SLC4A8: variants seen among roughly 807,000 people sequenced by gnomAD.
SLC4A8 encodes the protein solute carrier family 4 member 8, also known as electroneutral sodium bicarbonate exchanger 1.
A neutral mutation model predicts 125.0 loss-of-function variants in SLC4A8; 40 were observed. The ratio of observed to expected loss-of-function variants is 0.32; its 90% CI spans 0.25 to 0.42. The LOEUF (loss-of-function observed/expected upper bound fraction) is 0.42. SLC4A8 is among the 10% of genes least tolerant of loss of function. SLC4A8 has a pLI of 1.00. For missense variants in SLC4A8, 863 were observed against 1,355.1 expected, an observed-to-expected ratio of 0.64 and a Z score of 5.70; for synonymous variants, 456 against 476.0, an observed-to-expected ratio of 0.96 and a Z score of 0.55.
chr12:51,440,825 G>C, intron 2 of SLC4A8, 36 bp downstream of exon 2: 1 of 1,545,012 alleles, frequency 6.5e-7, no homozygotes. Context: ...AGGGAAATTG[G>C]TGAGGGGCAG....
chr12:51,404,278 T>C (rs902477855), intron 1 of SLC4A8, among the ~76,000 whole-genome samples: 1 of 152,178 alleles, frequency 6.6e-6, no homozygotes, highest in African/African-American at 2.4e-5. Flanking sequence ...AGGTTGACTA[T>C]GTACAAGGAG....
Position 51,504,014 on chromosome 12 carries a change from T to A in SLC4A8, c.3082-15T>A, listed in dbSNP as rs1036292158. ...TACTTGGTCCAAGATATAATAATGT[T>A]TCTTTTTCTTCCAGGAGGCTGAGAA... is the stretch of plus-strand genomic sequence containing the variant. On this transcript the variant is annotated splice_polypyrimidine_tract_variant and intron_variant, in intron 22 of 24. Transcript: ENST00000453097. The A allele has an allele frequency of 6.7e-6, 10 of 1,490,782 alleles. No individual in the cohort carries two copies. Among genetic ancestry groups the A allele is most frequent in the South Asian group, 1.2e-5 (1 of 82,950 alleles). The allele number at this position is 1,490,782 out of a possible 1,614,324, so 92.3% of individuals were successfully genotyped here.
At chr12:51,435,930 G>A (rs1035464252) in intron 1 of SLC4A8, among the ~76,000 whole-genome samples, 3 of 152,130 alleles carry the variant, frequency 2.0e-5, no homozygotes, top group African/African-American at 7.2e-5. Context: ...GGTATTTTAA[G>A]AGACTATAAT....
intron 14 of SLC4A8, among the ~76,000 whole-genome samples, chr12:51,472,036 T>A (rs1361500113): frequency 6.6e-6 from 1 of 152,212 alleles, no homozygotes; most frequent in Non-Finnish European, 1.5e-5. Flanking sequence ...TCACACTGTA[T>A]CATAAAGATC....
At position 51,450,709 on chromosome 12, in the gene SLC4A8, A is replaced by G. The variant is rs1949937204; in HGVS notation, c.131-167A>G. ...AAAGGAAGAGACCTTCAACTCCAAAATCTCTATATCTTTACTCCTGGAAGT... is the reference window on the plus strand; with the variant it reads ...AAAGGAAGAGACCTTCAACTCCAAAGTCTCTATATCTTTACTCCTGGAAGT... On this transcript the variant is annotated intron_variant, in intron 2 of 24. Coordinates refer to ENST00000453097, the MANE Select transcript of SLC4A8 (RefSeq NM_001039960.3). 2.2e-5 allele frequency: 15 copies of G among 688,548 alleles called. No homozygotes were observed. The South Asian group carries it at 2.8e-4, about 13-fold the overall frequency. 42.7% of individuals were successfully genotyped at this position (688,548 alleles called of 1,614,324 possible).
At position 51,489,965 on chromosome 12, in the gene SLC4A8, C is replaced by T; in HGVS notation, c.2700+14C>T. On this transcript the variant is annotated intron_variant, in intron 19 of 24. Transcript: ENST00000453097. ...GCTATCTTAAAGGTAATCATCCTTTCAGTCATTCAGCAAATATCAAGGGCC... is the reference window on the plus strand; with the variant it reads ...GCTATCTTAAAGGTAATCATCCTTTTAGTCATTCAGCAAATATCAAGGGCC... 1 of 1,612,100 alleles carries T rather than the reference C, an allele frequency of 6.2e-7. No homozygotes were observed. The highest frequency in any genetic ancestry group is 8.5e-7 in the Non-Finnish European group (1 of 1,178,314).
intron 24 of SLC4A8, among the ~76,000 whole-genome samples, chr12:51,506,800 A>T (rs1248951580): frequency 6.6e-6 from 1 of 152,216 alleles, no homozygotes; most frequent in Non-Finnish European, 1.5e-5. Flanking sequence ...ATCAACCTTA[A>T]TCAGGTTAAT....
At position 51,440,743 on chromosome 12, in the gene SLC4A8, G is replaced by C; in HGVS notation, c.84G>C (p.Gly28=). The change falls in exon 2 of 25, where the codon GGG becomes GGC. Residue 28 remains glycine (G), a synonymous_variant. Coordinates refer to ENST00000453097, the MANE Select transcript of SLC4A8 (RefSeq NM_001039960.3). ...PDEEAVVDQG[G]TSTILNIHYE... ...AAGAAGCTGTGGTGGATCAGGGTGG[G>C]ACCAGTACAATTCTCAACATTCACT... The C allele has an allele frequency of 1.9e-6, 3 of 1,610,890 alleles. No homozygotes were observed. The highest frequency in any genetic ancestry group is 1.7e-6 in the Non-Finnish European group (2 of 1,179,088).
At chr12:51,418,284 C>A (rs572205230) in intron 1 of SLC4A8, among the ~76,000 whole-genome samples, 5 of 152,292 alleles carry the variant, frequency 3.3e-5, no homozygotes, top group Non-Finnish European at 7.4e-5. Context: ...CAGGGAAAAT[C>A]AGATGGCTCC....
chr12:51,459,554 G>A (rs1297789767), intron 7 of SLC4A8, among the ~76,000 whole-genome samples: 1 of 152,038 alleles, frequency 6.6e-6, no homozygotes, highest in Non-Finnish European at 1.5e-5. Flanking sequence ...ACCATAAAAT[G>A]ACATATGAGT....
intron 16 of SLC4A8, among the ~76,000 whole-genome samples, chr12:51,482,974 T>C (rs1015395294): frequency 6.6e-6 from 1 of 152,202 alleles, no homozygotes; most frequent in Non-Finnish European, 1.5e-5. Context: ...TTTGCACTTA[T>C]TTTTCTAGCA....
At chr12:51,461,682 C>T (rs1755899189) in intron 9 of SLC4A8, 1 of 206,842 alleles carries the variant, frequency 4.8e-6, no homozygotes, top group African/African-American at 2.4e-5. Flanking sequence ...TGTATAAGGT[C>T]ATGGGTGTGA....
upstream of SLC4A8, among the ~76,000 whole-genome samples, chr12:51,420,571 T>C (rs1183349994): frequency 6.6e-6 from 1 of 152,228 alleles, no homozygotes; most frequent in Non-Finnish European, 1.5e-5. Flanking sequence ...TTTTGGGCTT[T>C]GTTTACTTAT....
At chr12:51,467,756 A>T (rs1288648277) in intron 11 of SLC4A8, among the ~76,000 whole-genome samples, 1 of 152,142 alleles carries the variant, frequency 6.6e-6, no homozygotes, top group Non-Finnish European at 1.5e-5. Flanking sequence ...ATCTTGTTTC[A>T]TCTATTTCTT....
chr12:51,423,376 G>A (rs1251940203), upstream of SLC4A8, among the ~76,000 whole-genome samples: 1 of 152,140 alleles, frequency 6.6e-6, no homozygotes, highest in Non-Finnish European at 1.5e-5. Flanking sequence ...TTGAAGGATG[G>A]TTAAGATTTT....
chr12:51,455,141 C>T (rs1422006933), intron 5 of SLC4A8, among the ~76,000 whole-genome samples: 2 of 147,212 alleles, frequency 1.4e-5, no homozygotes, highest in Admixed American at 6.8e-5. Context: ...TATAGATTAA[C>T]AGAATCTCAA....
intron 11 of SLC4A8, among the ~76,000 whole-genome samples, chr12:51,467,151 G>T (rs534841847): frequency 6.6e-6 from 1 of 152,162 alleles, no homozygotes; most frequent in African/African-American, 2.4e-5. Context: ...CTGCCTGCAA[G>T]GTTATTGAGG....
intron 1 of SLC4A8, among the ~76,000 whole-genome samples, chr12:51,397,129 C>T (rs939147298): frequency 2.0e-5 from 3 of 151,788 alleles, no homozygotes; most frequent in Admixed American, 2.0e-4. Flanking sequence ...GGGGTTTCAC[C>T]ATATTGGCCA....
chr12:51,471,542 C>T lies in SLC4A8; in HGVS notation c.1904+10C>T, dbSNP rs371215499. The T allele has an allele frequency of 1.2e-6, 2 of 1,608,774 alleles. No homozygotes were observed. Among genetic ancestry groups the T allele is most frequent in the Admixed American group, 3.4e-5 (2 of 59,372 alleles). ...ACCTTAGCCTCTATTAGTAAGTGTG[C>T]TTTCTGCTTATTTTTAAAAATTGAG... On this transcript the variant is annotated intron_variant, in intron 14 of 24. Coordinates refer to ENST00000453097, the MANE Select transcript of SLC4A8 (RefSeq NM_001039960.3).
Sources: gnomAD v4.1 joint callset for allele counts (sites outside exome capture counted in the v4.1 genomes callset) on GRCh38, gnomAD v4.1.1 for gene constraint, MANE v1.5 for transcripts, NCBI Gene and HGNC (gene_info 2026-07-23, HGNC 2026-07-21) for gene names.